The following ZSCAN30 variants were observed in gnomAD, a reference collection of about 807,000 sequenced individuals.
The protein encoded by ZSCAN30 is zinc finger and SCAN domain containing 30, also known as zinc finger and SCAN domain-containing protein 30.
Under a neutral mutation model 44.3 loss-of-function variants are expected in ZSCAN30, and 37 were observed. The ratio of observed to expected loss-of-function variants is 0.84; its 90% CI spans 0.64 to 1.10. The LOEUF (loss-of-function observed/expected upper bound fraction) is 1.10. Ranked by LOEUF, ZSCAN30 falls within the 50% of genes least tolerant of loss-of-function variation. The probability of loss-of-function intolerance (pLI) is 0.00; values close to 1 mark genes in which losing one functional copy is unlikely to be tolerated. For missense variants in ZSCAN30, 549 were observed against 582.6 expected (o/e 0.94, Z 0.59); for synonymous variants, 181 against 204.6 (o/e 0.88, Z 0.98).
At chr18:35,276,997 C>G (rs1380854110) in intron 1 of ZSCAN30, among the ~76,000 whole-genome samples, 1 of 152,232 alleles carries the variant, frequency 6.6e-6, no homozygotes, top group African/African-American at 2.4e-5. Flanking sequence ...GCAAGCCCAC[C>G]TCTTACATCA....
At chr18:35,260,908 A>C (rs1043803622) in intron 3 of ZSCAN30, 7 of 152,098 alleles carry the variant, frequency 4.6e-5, no homozygotes, top group African/African-American at 1.7e-4. Flanking sequence ...TGACATTTTC[A>C]TCATGAAATC....
Position 35,254,141 on chromosome 18 carries a change from C to T in ZSCAN30, c.794G>A (p.Arg265Lys). The T allele has an allele frequency of 6.2e-7, 1 of 1,614,144 alleles. No homozygotes were observed. Residue 265 changes from arginine (R) to lysine (K), a missense_variant, in exon 4 of 4, where the codon AGA becomes AAA. Coordinates refer to ENST00000333206, the MANE Select transcript of ZSCAN30 (RefSeq NM_001112734.4). The stretch of plus-strand genomic sequence containing the variant: ...AAGGACACTGTGTTCTGTGGGGATT[C>T]TTCTGTTGAAGGTTGCCAGACTGAA... ...RHFSLATFNR[R>K]IPTEHSVLES...
intron 3 of ZSCAN30, chr18:35,254,709 G>A (rs546302168): frequency 8.0e-6 from 3 of 376,388 alleles, no homozygotes; most frequent in South Asian, 2.8e-5. Context: ...GAGAAGATAC[G>A]TTTTTAGGTA....
At chr18:35,257,610 A>T in intron 3 of ZSCAN30, 1 of 361,860 alleles carries the variant, frequency 2.8e-6, no homozygotes, top group Non-Finnish European at 5.0e-6. Context: ...TGAGAAGTAA[A>T]TCCGTGTTGT....
At chr18:35,255,937 C>CAT (rs1472391914) in intron 3 of ZSCAN30, 1 of 152,602 alleles carries the variant, frequency 6.6e-6, no homozygotes, top group Non-Finnish European at 1.5e-5. Context: ...ACCCAACAAC[C>CAT]TAATGAGAAA....
chr18:35,266,568 A>C (rs1355291884), intron 1 of ZSCAN30: 1 of 152,060 alleles, frequency 6.6e-6, no homozygotes, highest in African/African-American at 2.4e-5. Context: ...GATGCCTACG[A>C]AGCAGCGTCT....
intron 3 of ZSCAN30, chr18:35,257,966 A>C (rs758352735): frequency 1.4e-5 from 11 of 780,928 alleles, no homozygotes; most frequent in Non-Finnish European, 2.4e-5. Context: ...AATCACCTGC[A>C]CCCAAATCTC....
chr18:35,257,415 AG>A (rs1411686992), intron 3 of ZSCAN30: 7 of 154,678 alleles, frequency 4.5e-5, no homozygotes, highest in Admixed American at 1.9e-4. Flanking sequence ...GGTATTAGGA[AG>A]TGCGGACCTT....
At chr18:35,272,051 G>C (rs1442040892) in intron 1 of ZSCAN30, among the ~76,000 whole-genome samples, 1 of 152,224 alleles carries the variant, frequency 6.6e-6, no homozygotes, top group Non-Finnish European at 1.5e-5. Context: ...CTCCCCCTCG[G>C]CCAGCCCAGA....
chr18:35,271,244 C>A (rs1365975672), intron 1 of ZSCAN30, among the ~76,000 whole-genome samples: 1 of 152,194 alleles, frequency 6.6e-6, no homozygotes, highest in Non-Finnish European at 1.5e-5. Flanking sequence ...CTGATTGGTC[C>A]ATTTTACAGA....
intron 1 of ZSCAN30, among the ~76,000 whole-genome samples, chr18:35,270,615 C>G (rs1371795388): frequency 6.6e-6 from 1 of 152,170 alleles, no homozygotes; most frequent in Non-Finnish European, 1.5e-5. Context: ...GGGTCTCACT[C>G]TCTTGCCTAG....
intron 1 of ZSCAN30, chr18:35,269,190 G>A (rs2044222465): frequency 6.6e-6 from 1 of 152,216 alleles, no homozygotes; most frequent in Non-Finnish European, 1.5e-5. Context: ...CAATATGGAA[G>A]CCATTAGCCA....
At chr18:35,273,997 G>A (rs564617637) in intron 1 of ZSCAN30, among the ~76,000 whole-genome samples, 8 of 152,256 alleles carry the variant, frequency 5.3e-5, no homozygotes, top group Middle Eastern at 3.4e-3. Context: ...AAAAGTTGAT[G>A]GGGAAATAAT....
chr18:35,270,993 G>A (rs183175145), intron 1 of ZSCAN30, among the ~76,000 whole-genome samples: 1,535 of 152,216 alleles, frequency 0.01, 19 homozygotes, highest in Middle Eastern at 0.017. Flanking sequence ...CCTCCCGTCC[G>A]GAGTTGTTCA....
chr18:35,264,039 T>G lies in ZSCAN30; in HGVS notation c.314A>C (p.Gln105Pro). 1.2e-6 allele frequency: 2 copies of G among 1,614,204 alleles called. No individual in the cohort carries two copies. The highest frequency in any genetic ancestry group is 1.6e-4 in the Middle Eastern group (1 of 6,062). The change falls in exon 2 of 4, where the codon CAA becomes CCA. Residue 105 changes from glutamine (Q) to proline (P), a missense_variant. By Grantham distance (76) the Gln-to-Pro change is moderately conservative. Transcript: ENST00000333206. ...TGGCCGATGCTCTCGCAGCCAAGCT[T>G]GCAGCTCCTCAGGAAGGATGGCCAG... ...QFLAILPEEL[Q>P]AWLREHRPEN...
chr18:35,285,963 G>A (rs2044542405), intron 1 of ZSCAN30, among the ~76,000 whole-genome samples: 1 of 152,120 alleles, frequency 6.6e-6, no homozygotes, highest in Non-Finnish European at 1.5e-5. Flanking sequence ...TATCCGACAA[G>A]GGGAAATGGG....
chr18:35,253,374 CTT>C lies in ZSCAN30; in HGVS notation c.*74_*75del, dbSNP rs2043663356. On this transcript the variant is annotated 3_prime_UTR_variant, in exon 4 of 4. Coordinates refer to ENST00000333206, the MANE Select transcript of ZSCAN30 (RefSeq NM_001112734.4). ...GGACAGAAGTTCTGCTCTCAGGAAACTTTTCTTTTCTGTGGAGTCTCACCCCT... is the reference window on the plus strand; with the variant it reads ...GGACAGAAGTTCTGCTCTCAGGAAACTTCTTTTCTGTGGAGTCTCACCCCT... 7.6e-7 allele frequency: 1 copy of C among 1,321,252 alleles called. No individual in the cohort carries two copies. Among genetic ancestry groups the C allele is most frequent in the South Asian group, 1.6e-5 (1 of 63,086 alleles). The allele number at this position is 1,321,252 out of a possible 1,614,324, so 81.8% of individuals were successfully genotyped here. A position where few individuals can be genotyped will look rare whatever the true frequency, so the allele number is the denominator to read the frequency against.
chr18:35,258,195 A>G (rs1249695182), intron 3 of ZSCAN30: 4 of 560,584 alleles, frequency 7.1e-6, no homozygotes, highest in Non-Finnish European at 1.3e-5. Context: ...CTGAAAAGAG[A>G]CTAGCATAAG....
intron 1 of ZSCAN30, among the ~76,000 whole-genome samples, chr18:35,286,349 A>G (rs950201014): frequency 6.6e-6 from 1 of 152,152 alleles, no homozygotes; most frequent in Non-Finnish European, 1.5e-5. Context: ...CGTTACCTTG[A>G]TCCCAAAACT....
Sources: gnomAD v4.1 joint callset for allele counts (sites outside exome capture counted in the v4.1 genomes callset) on GRCh38, gnomAD v4.1.1 for gene constraint, MANE v1.5 for transcripts, NCBI Gene and HGNC (gene_info 2026-07-23, HGNC 2026-07-21) for gene names.